Variants in GNAQ observed in about 807,000 individuals in gnomAD.
GNAQ encodes guanine nucleotide-binding protein G(q) subunit alpha.
A neutral mutation model predicts 43.9 loss-of-function variants in GNAQ; 8 were observed. That is an observed-to-expected ratio of 0.18 (90% CI 0.11 to 0.33). The LOEUF (loss-of-function observed/expected upper bound fraction) is 0.33. Ranked by LOEUF, GNAQ falls within the 10% of genes least tolerant of loss-of-function variation. GNAQ has a pLI of 1.00. For missense variants in GNAQ, 158 were observed against 450.8 expected (o/e 0.35, Z 5.88); for synonymous variants, 155 against 170.7 (o/e 0.91, Z 0.71).
intron 2 of GNAQ, among the ~76,000 whole-genome samples, chr9:77,880,142 G>A (rs1417883460): frequency 2.6e-5 from 4 of 152,126 alleles, no homozygotes; most frequent in East Asian, 1.9e-4. Context: ...TGGCAATACC[G>A]TGGCCCCAGG....
intron 5 of GNAQ, among the ~76,000 whole-genome samples, chr9:77,775,768 C>T (rs1428555644): frequency 1.3e-5 from 2 of 151,934 alleles, no homozygotes; most frequent in Non-Finnish European, 2.9e-5. Flanking sequence ...ATTGTGTTTC[C>T]GTAATTATGG....
intron 1 of GNAQ, among the ~76,000 whole-genome samples, chr9:78,014,754 G>C (rs2118589611): frequency 1.3e-5 from 2 of 152,254 alleles, no homozygotes; most frequent in South Asian, 4.1e-4. Context: ...TTACATAAAA[G>C]GTAATGCGGT....
intron 1 of GNAQ, among the ~76,000 whole-genome samples, chr9:78,020,778 A>C (rs1190988695): frequency 6.6e-6 from 1 of 151,970 alleles, no homozygotes; most frequent in Non-Finnish European, 1.5e-5. Flanking sequence ...CTATTACTCT[A>C]CTTTACCCTA....
chr9:77,726,011 C>T (rs1394482939), intron 6 of GNAQ, among the ~76,000 whole-genome samples: 1 of 145,964 alleles, frequency 6.9e-6, no homozygotes, highest in Non-Finnish European at 1.5e-5. Context: ...TAAGAAGAAC[C>T]TCGAGTGTGT....
At chr9:77,856,679 C>A (rs1434256277) in intron 2 of GNAQ, among the ~76,000 whole-genome samples, 1 of 152,090 alleles carries the variant, frequency 6.6e-6, no homozygotes, top group East Asian at 1.9e-4. Flanking sequence ...AAGGAAACTT[C>A]TTTGTAAGTA....
intron 1 of GNAQ, among the ~76,000 whole-genome samples, chr9:77,984,565 A>G (rs1823410169): frequency 6.6e-6 from 1 of 152,172 alleles, no homozygotes. Flanking sequence ...GAATTCGCAT[A>G]ATTTTTGGTT....
intron 5 of GNAQ, among the ~76,000 whole-genome samples, chr9:77,773,103 T>G (rs572543427): frequency 1.2e-4 from 18 of 152,378 alleles, no homozygotes; most frequent in Middle Eastern, 3.4e-3. Flanking sequence ...TTTTTGGGCA[T>G]GTTAAACCTT....
chr9:77,783,964 TAAC>T (rs1826436380), intron 5 of GNAQ, among the ~76,000 whole-genome samples: 1 of 151,990 alleles, frequency 6.6e-6, no homozygotes, highest in Non-Finnish European at 1.5e-5. Flanking sequence ...TTCACACTAA[TAAC>T]ACACATAATA....
At chr9:77,947,765 G>A (rs1822921950) in intron 1 of GNAQ, among the ~76,000 whole-genome samples, 1 of 152,146 alleles carries the variant, frequency 6.6e-6, no homozygotes, top group East Asian at 1.9e-4. Context: ...TTCTGGGGTG[G>A]AGCATGAGAT....
chr9:77,723,720 G>A (rs747047002), intron 6 of GNAQ, among the ~76,000 whole-genome samples: 21 of 152,104 alleles, frequency 1.4e-4, no homozygotes, highest in African/African-American at 1.9e-4. Context: ...CACATATGAC[G>A]TACTTAGAAT....
At chr9:77,937,757 T>C (rs1226168028) in intron 1 of GNAQ, among the ~76,000 whole-genome samples, 1 of 152,054 alleles carries the variant, frequency 6.6e-6, no homozygotes, top group Non-Finnish European at 1.5e-5. Context: ...CCAGGCGTGG[T>C]GGGGCATGCC....
At chr9:77,967,076 T>C (rs1237119889) in intron 1 of GNAQ, among the ~76,000 whole-genome samples, 2 of 152,208 alleles carry the variant, frequency 1.3e-5, no homozygotes, top group African/African-American at 4.8e-5. Context: ...TCCTTCTGCT[T>C]TTCAAAACTT....
At chr9:77,878,684 G>T (rs1374510330) in intron 2 of GNAQ, among the ~76,000 whole-genome samples, 1 of 152,038 alleles carries the variant, frequency 6.6e-6, no homozygotes, top group South Asian at 2.1e-4. Context: ...GTGTTTTGGT[G>T]CTTTTAAACT....
chr9:77,945,834 C>A (rs953534548), intron 1 of GNAQ, among the ~76,000 whole-genome samples: 2 of 152,152 alleles, frequency 1.3e-5, no homozygotes, highest in Non-Finnish European at 2.9e-5. Context: ...GAGGCCGCAT[C>A]TAAAGGCTCT....
At chr9:77,825,210 TA>T (rs1319453479) in intron 2 of GNAQ, among the ~76,000 whole-genome samples, 1 of 152,194 alleles carries the variant, frequency 6.6e-6, no homozygotes, top group African/African-American at 2.4e-5. Flanking sequence ...TTCAAGTTTC[TA>T]AAAAAACTTA....
intron 2 of GNAQ, among the ~76,000 whole-genome samples, chr9:77,913,129 G>T (rs1255104769): frequency 6.6e-6 from 1 of 152,018 alleles, no homozygotes; most frequent in Non-Finnish European, 1.5e-5. Flanking sequence ...CAGTATCTAC[G>T]TACTAAAACT....
intron 1 of GNAQ, among the ~76,000 whole-genome samples, chr9:77,955,507 CT>C (rs1270297166): frequency 2.6e-5 from 4 of 152,290 alleles, no homozygotes; most frequent in African/African-American, 9.6e-5. Context: ...CATTTAAGCA[CT>C]TTTTGTACAT....
At chr9:78,006,124 A>G (rs1823703500) in intron 1 of GNAQ, among the ~76,000 whole-genome samples, 1 of 152,186 alleles carries the variant, frequency 6.6e-6, no homozygotes, top group South Asian at 2.1e-4. Flanking sequence ...TGCCCTAGCT[A>G]ATTCCCAGAG....
intron 5 of GNAQ, among the ~76,000 whole-genome samples, chr9:77,760,910 G>C (rs968997836): frequency 6.7e-6 from 1 of 149,792 alleles, no homozygotes; most frequent in Non-Finnish European, 1.5e-5. Flanking sequence ...CCCCGTCTGG[G>C]AGGTGAGGAG....
Sources: allele counts gnomAD v4.1 joint callset (sites outside exome capture counted in the v4.1 genomes callset), GRCh38; gene constraint gnomAD v4.1.1; transcripts MANE v1.5; gene names NCBI Gene and HGNC (gene_info 2026-07-23, HGNC 2026-07-21).